The following IGSF9B variants were observed in gnomAD, a reference collection of about 807,000 sequenced individuals.
IGSF9B encodes the protein protein turtle homolog B.
IGSF9B carries 48 observed loss-of-function variants against 143.7 expected under a neutral mutation model. The ratio of observed to expected loss-of-function variants is 0.33; its 90% CI spans 0.26 to 0.42. The LOEUF (loss-of-function observed/expected upper bound fraction) is 0.42. Among genes scored for constraint, IGSF9B ranks in the 20% least tolerant of loss-of-function variants. The probability of loss-of-function intolerance (pLI) is 1.00; values close to 1 mark genes in which losing one functional copy is unlikely to be tolerated. For synonymous variants in IGSF9B, 903 were observed against 833.1 expected, an observed-to-expected ratio of 1.08 and a Z score of -1.44; for missense variants, 1,706 against 1,980.0, an observed-to-expected ratio of 0.86 and a Z score of 2.63.
In IGSF9B at chr11:133,921,391, G is replaced by A; in HGVS notation, c.2334C>T (p.Ser778=). The A allele has an allele frequency of 1.3e-6, 2 of 1,514,900 alleles. No individual in the cohort carries two copies. The highest frequency in any genetic ancestry group is 2.3e-5 in the East Asian group (1 of 43,434). The allele number at this position is 1,514,900 out of a possible 1,614,324, so 93.8% of individuals were successfully genotyped here. ...HCRKSLESPL[S]SGKVSPESIR... is the part of the protein sequence containing the mutation. ...TGCTCTCGGGGCTCACCTTGCCAGAGGACAAGCTGCAAGGAGGAGCAAGAG... is the reference window on the plus strand; with the variant it reads ...TGCTCTCGGGGCTCACCTTGCCAGAAGACAAGCTGCAAGGAGGAGCAAGAG... The change falls in exon 18 of 20, where the codon TCC becomes TCT. Residue 778 remains serine, a synonymous_variant. Coordinates refer to ENST00000533871, the MANE Select transcript of IGSF9B (RefSeq NM_001277285.4).
At position 133,937,402 on chromosome 11, in the gene IGSF9B, A is replaced by C. The variant is rs774696069; in HGVS notation, c.653T>G (p.Val218Gly). ...TTGGACAAGCAGGTGAGTCGTGTGGACAGCCTCCCCCTGAATGCTGTACGC... is the reference window on the plus strand; with the variant it reads ...TTGGACAAGCAGGTGAGTCGTGTGGCCAGCCTCCCCCTGAATGCTGTACGC... ...CRAYSIQGEA[V>G]HTTHLLVQGP... The change falls in exon 5 of 20, where the codon GTC becomes GGC. Residue 218 changes from valine (V) to glycine (G), a missense_variant. By Grantham distance (109) the Val-to-Gly change is moderately radical. Coordinates refer to ENST00000533871, the MANE Select transcript of IGSF9B (RefSeq NM_001277285.4). 1 of 1,612,974 alleles carries C rather than the reference A, an allele frequency of 6.2e-7. No homozygotes were observed. The highest frequency in any genetic ancestry group is 1.1e-5 in the South Asian group (1 of 90,994).
Position 133,931,289 on chromosome 11 carries a change from G to A in IGSF9B, c.1369-155C>T, listed in dbSNP as rs1458289057. Among the ~76,000 whole-genome samples, 2 of 152,008 alleles carry A rather than the reference G, an allele frequency of 1.3e-5. No individual in the cohort carries two copies. Among genetic ancestry groups the A allele is most frequent in the East Asian group, 1.9e-4 (1 of 5,158 alleles). On this transcript the variant is annotated intron_variant, in intron 10 of 19. Transcript: ENST00000533871. This position sits in a 1 kb window ranked among gnomAD's most constrained non-coding sequence, Gnocchi z 7.7. ...GCTCTTCAGGGTCAGCTCACTGCTC[G>A]GCATCTAGCCTGGTCAGGGCAGGTC...
chr11:133,924,702 A>AC (rs201254062), intron 15 of IGSF9B, 118 bp downstream of exon 15: 1 of 805,396 alleles, frequency 1.2e-6, no homozygotes, highest in South Asian at 1.6e-5. Flanking sequence ...GCAACCAGGC[A>AC]CTGCCTTAGT....
intron 7 of IGSF9B, among the ~76,000 whole-genome samples, chr11:133,933,000 G>C (rs1473887350): frequency 6.7e-6 from 1 of 150,282 alleles, no homozygotes; most frequent in East Asian, 2.0e-4. Flanking sequence ...CAGACAGACA[G>C]ACACAGGGAA....
At chr11:133,941,775 C>T (rs1016891383) in intron 3 of IGSF9B, among the ~76,000 whole-genome samples, 2 of 152,196 alleles carry the variant, frequency 1.3e-5, no homozygotes, top group African/African-American at 4.8e-5. Flanking sequence ...CCTGAATGCG[C>T]CGCTCTCCTC....
At chr11:133,929,620 G>T in intron 12 of IGSF9B, 51 bp downstream of exon 12, 1 of 1,342,988 alleles carries the variant, frequency 7.4e-7, no homozygotes, top group Non-Finnish European at 1.1e-6. Context: ...AGACCGGGGA[G>T]GGGAGAAGCA....
chr11:133,919,718 TGGCGGAAGA>T lies in IGSF9B; in HGVS notation c.3983+15_3983+23del, dbSNP rs1565421091. The T allele has an allele frequency of 7.5e-7, 1 of 1,337,982 alleles. No homozygotes were observed. The highest frequency in any genetic ancestry group is 2.8e-5 in the East Asian group (1 of 35,524). 82.9% of individuals were successfully genotyped at this position (1,337,982 alleles called of 1,614,324 possible). On this transcript the variant is annotated intron_variant, in intron 18 of 19. Coordinates refer to ENST00000533871, the MANE Select transcript of IGSF9B (RefSeq NM_001277285.4). ...GGGAAGGAAGTTGCCCAGGTGCGGGTGGCGGAAGAGGCGGCGCACTCACCCTGAAGTAGG... is the reference window on the plus strand; with the variant it reads ...GGGAAGGAAGTTGCCCAGGTGCGGGTGGCGGCGCACTCACCCTGAAGTAGG...
chr11:133,932,330 G>A, intron 7 of IGSF9B, 117 bp from the exon 8 acceptor site: 6 of 1,071,292 alleles, frequency 5.6e-6, no homozygotes, highest in Non-Finnish European at 6.7e-6. Context: ...CCAGGTGGGA[G>A]AGCAGACAGA....
chr11:133,933,514 G>T (rs961738887), intron 7 of IGSF9B, among the ~76,000 whole-genome samples: 2 of 152,186 alleles, frequency 1.3e-5, no homozygotes, highest in African/African-American at 4.8e-5. Context: ...GGGAGGCTGG[G>T]GTGGGAGGAC....
At chr11:133,952,876 T>C (rs1340910471) in intron 1 of IGSF9B, among the ~76,000 whole-genome samples, 1 of 152,124 alleles carries the variant, frequency 6.6e-6, no homozygotes, top group Non-Finnish European at 1.5e-5. Flanking sequence ...AGATCCACTC[T>C]TCACACAAGC....
intron 1 of IGSF9B, among the ~76,000 whole-genome samples, chr11:133,949,753 G>A (rs1250983890): frequency 6.6e-6 from 1 of 151,962 alleles, no homozygotes; most frequent in African/African-American, 2.4e-5. Flanking sequence ...GGGAGGAAGG[G>A]GAGGAAGAGA....
At position 133,926,835 on chromosome 11, in the gene IGSF9B, G is replaced by A. The variant is rs1939634318; in HGVS notation, c.1807+81C>T. On this transcript the variant is annotated intron_variant, in intron 13 of 19. Transcript: ENST00000533871. ...TCAGCAAGGTACCGGCACACAGGAGGCCGACTGCTATAGCTGCCTGGGCCA... is the reference window on the plus strand; with the variant it reads ...TCAGCAAGGTACCGGCACACAGGAGACCGACTGCTATAGCTGCCTGGGCCA... The A allele has an allele frequency of 3.3e-6, 4 of 1,221,618 alleles. No individual in the cohort carries two copies. In the Admixed American group the frequency reaches 6.5e-5, roughly 20 times the overall value. The allele number at this position is 1,221,618 out of a possible 1,614,324, so 75.7% of individuals were successfully genotyped here. A position where few individuals can be genotyped will look rare whatever the true frequency, so the allele number is the denominator to read the frequency against.
chr11:133,941,959 GAC>G (rs542790133), intron 3 of IGSF9B, among the ~76,000 whole-genome samples: 85 of 152,310 alleles, frequency 5.6e-4, no homozygotes, highest in African/African-American at 2.0e-3. Flanking sequence ...CTCTGGATGT[GAC>G]AGTCTCTTGA....
chr11:133,920,547 G>A lies in IGSF9B; in HGVS notation c.3178C>T (p.Gln1060Ter), dbSNP rs1470484054. The A allele has an allele frequency of 6.2e-7, 1 of 1,612,196 alleles. No individual in the cohort carries two copies. Among genetic ancestry groups the A allele is most frequent in the Non-Finnish European group, 8.5e-7 (1 of 1,179,260 alleles). Reference protein sequence around the residue: ...LETPAMMFPHQLPPCDVPESL... With the variant: ...LETPAMMFPH The stretch of plus-strand genomic sequence containing the variant: ...TCGGGCACATCACAGGGTGGCAGCT[G>A]GTGGGGGAACATCATCGCTGGGGTC... Residue 1060 changes from glutamine (Q) to a stop codon, truncating the protein, a stop_gained, in exon 18 of 20, where the codon CAG becomes TAG. Coordinates refer to ENST00000533871, the MANE Select transcript of IGSF9B (RefSeq NM_001277285.4). LOFTEE classifies it high-confidence loss of function.
intron 14 of IGSF9B, among the ~76,000 whole-genome samples, chr11:133,925,304 A>G (rs558639474): frequency 4.8e-4 from 73 of 152,298 alleles, no homozygotes; most frequent in African/African-American, 1.7e-3. Context: ...AGCTACTGGA[A>G]AAAGAGATAA....
At position 133,945,985 on chromosome 11, in the gene IGSF9B, C is replaced by T. The variant is rs1565448406; in HGVS notation, c.262+76G>A. ...GAGATAAAGAGTGGTCAGGACAAGG[C>T]AGGGGCCAGAGGGGAACCACCGAGG... On this transcript the variant is annotated intron_variant, in intron 2 of 19. Coordinates refer to ENST00000533871, the MANE Select transcript of IGSF9B (RefSeq NM_001277285.4). The surrounding 1 kb of genome is among the most constrained non-coding windows in gnomAD (Gnocchi z 4.6). The T allele has an allele frequency of 7.1e-6, 7 of 992,460 alleles. No homozygotes were observed. Among genetic ancestry groups the T allele is most frequent in the Middle Eastern group, 2.1e-4 (1 of 4,688 alleles). 61.5% of individuals were successfully genotyped at this position (992,460 alleles called of 1,614,324 possible).
intron 3 of IGSF9B, 89 bp downstream of exon 3, chr11:133,944,131 A>T (rs1008602912): frequency 9.9e-5 from 138 of 1,400,010 alleles, no homozygotes; most frequent in Non-Finnish European, 1.3e-4. Flanking sequence ...AGTTGGGAGA[A>T]GGGCTTCCCC....
intron 18 of IGSF9B, chr11:133,919,137 G>A (rs554121697): frequency 4.5e-4 from 197 of 436,116 alleles, no homozygotes; most frequent in African/African-American, 3.7e-3. Context: ...GGTGGGGGAC[G>A]TGTCCTGCAC....
intron 18 of IGSF9B, among the ~76,000 whole-genome samples, chr11:133,919,435 C>T (rs1240398501): frequency 2.0e-5 from 3 of 152,216 alleles, no homozygotes; most frequent in Non-Finnish European, 2.9e-5. Flanking sequence ...ACGGGGTCCA[C>T]CCCCGCAAGG....
Sources: gnomAD v4.1 joint callset for allele counts (sites outside exome capture counted in the v4.1 genomes callset) on GRCh38, gnomAD v4.1.1 for gene constraint, Gnocchi (gnomAD v3.1) non-coding constraint, MANE v1.5 for transcripts, NCBI Gene and HGNC (gene_info 2026-07-23, HGNC 2026-07-21) for gene names.